The following ZFP64 variants were observed in gnomAD, a reference collection of about 807,000 sequenced individuals.
ZFP64 encodes the protein zinc finger protein 64.
Under a neutral mutation model 51.6 loss-of-function variants are expected in ZFP64, and 14 were observed. That is an observed-to-expected ratio of 0.27 (90% CI 0.18 to 0.42). ZFP64 has a LOEUF of 0.42. Among genes scored for constraint, ZFP64 ranks in the 10% least tolerant of loss-of-function variants. The pLI is 1.00. For synonymous variants in ZFP64, 375 were observed against 361.4 expected (o/e 1.04, Z -0.43); for missense variants, 754 against 906.8 (o/e 0.83, Z 2.16).
At position 52,088,892 on chromosome 20, in the gene ZFP64, C is replaced by T. The variant is rs142215908; in HGVS notation, c.977-249G>A. On this transcript the variant is annotated intron_variant, in intron 7 of 8. Transcript: ENST00000361387. ...GATGGAGAAAATTACAGGCCAAACC[C>T]TGTTTGGGAAAAATGGCAGTGGTTA... 1,095 of 653,620 alleles carry T rather than the reference C, an allele frequency of 1.7e-3. 10 individuals carry two copies. In the African/African-American group the frequency reaches 0.018, roughly 11 times the overall value. 40.5% of individuals were successfully genotyped at this position (653,620 alleles called of 1,614,324 possible).
At chr20:52,098,870 T>C (rs578050940) in intron 5 of ZFP64, among the ~76,000 whole-genome samples, 26 of 151,708 alleles carry the variant, frequency 1.7e-4, no homozygotes, top group South Asian at 4.2e-4. Flanking sequence ...GGCATGGTGG[T>C]ATGTGCCTGT....
intron 2 of ZFP64, 116 bp downstream of exon 2, chr20:52,186,716 G>C (rs1022293272): frequency 1.9e-5 from 26 of 1,383,942 alleles, no homozygotes; most frequent in East Asian, 2.4e-5. Flanking sequence ...TAAAAATAAT[G>C]AATCAGCAAC....
At chr20:52,181,638 G>C (rs936977763) in intron 2 of ZFP64, among the ~76,000 whole-genome samples, 2 of 152,292 alleles carry the variant, frequency 1.3e-5, no homozygotes, top group South Asian at 4.1e-4. Context: ...TCCACCATTT[G>C]GGGGGTTGGA....
At chr20:52,101,940 CAAAAAAA>C (rs1190342919) in intron 5 of ZFP64, among the ~76,000 whole-genome samples, 1 of 77,688 alleles carries the variant, frequency 1.3e-5, no homozygotes, top group Non-Finnish European at 2.6e-5. Context: ...CTAAAAATAC[CAAAAAAA>C]AAAAAAAAAA....
At chr20:52,123,828 T>C (rs1291760984) in intron 5 of ZFP64, among the ~76,000 whole-genome samples, 1 of 150,622 alleles carries the variant, frequency 6.6e-6, no homozygotes, top group Non-Finnish European at 1.5e-5. Context: ...GTGGTATGTC[T>C]GTTACAGAGA....
In ZFP64 at chr20:52,102,036, T is replaced by C. The variant is rs1369235278; in HGVS notation, c.764-3449A>G. 4.9e-5 allele frequency among the ~76,000 whole-genome samples: 7 copies of C among 143,334 alleles called. No homozygotes were observed. The East Asian group carries it at 1.4e-3, about 30-fold the overall frequency. 94.0% of individuals were successfully genotyped at this position (143,334 alleles called of 152,430 possible). A position where few individuals can be genotyped will look rare whatever the true frequency, so the allele number is the denominator to read the frequency against. The stretch of plus-strand genomic sequence containing the variant: ...CTGAGGCAGGAGAATCGCTTGAACC[T>C]GTGGGGCAGAGGTTGCAGTGAGCCC... On this transcript the variant is annotated intron_variant, in intron 5 of 8. Coordinates refer to the ZFP64 transcript ENST00000361387.
At chr20:52,090,063 G>T (rs970748404) in intron 7 of ZFP64, among the ~76,000 whole-genome samples, 1 of 152,142 alleles carries the variant, frequency 6.6e-6, no homozygotes, top group African/African-American at 2.4e-5. Flanking sequence ...GACGCCAAAA[G>T]GTAAGACACG....
intron 5 of ZFP64, among the ~76,000 whole-genome samples, chr20:52,156,777 A>G (rs940265316): frequency 6.6e-6 from 1 of 152,204 alleles, no homozygotes; most frequent in African/African-American, 2.4e-5. Context: ...AATGCACACT[A>G]CTTAATGGCA....
intron 4 of ZFP64, among the ~76,000 whole-genome samples, chr20:52,162,445 T>A (rs1194391217): frequency 6.6e-6 from 1 of 151,520 alleles, no homozygotes; most frequent in African/African-American, 2.4e-5. Context: ...GCTAACACAG[T>A]GAAATCCTGT....
At chr20:52,175,135 G>C (rs766830298) in intron 2 of ZFP64, among the ~76,000 whole-genome samples, 1 of 151,790 alleles carries the variant, frequency 6.6e-6, no homozygotes, top group Non-Finnish European at 1.5e-5. Flanking sequence ...GTTTTGTTTT[G>C]TTTTTGAGAC....
At chr20:52,084,670 T>C (rs2078844697) in exon 9 of ZFP64, 4 of 1,614,240 alleles carry the variant, frequency 2.5e-6, no homozygotes, top group African/African-American at 1.3e-5. Context: ...TCTGAGTTCT[T>C]GTTCTCACTC....
At chr20:52,113,936 T>C (rs1484966720) in intron 5 of ZFP64, among the ~76,000 whole-genome samples, 1 of 152,052 alleles carries the variant, frequency 6.6e-6, no homozygotes, top group African/African-American at 2.4e-5. Context: ...TAGTGGTGGG[T>C]ACCTGATTTT....
chr20:52,164,568 C>G, intron 4 of ZFP64, 127 bp downstream of exon 4: 1 of 810,396 alleles, frequency 1.2e-6, no homozygotes, highest in African/African-American at 1.7e-5. Context: ...TTTTTAAAAT[C>G]TGGACTTGTA....
At chr20:52,175,864 G>GGCCCCC in intron 2 of ZFP64, 5 of 256,926 alleles carry the variant, frequency 1.9e-5, no homozygotes, top group Non-Finnish European at 2.6e-5. Flanking sequence ...CCCCGCTGCC[G>GGCCCCC]CCCCCGCCCC....
intron 5 of ZFP64, among the ~76,000 whole-genome samples, chr20:52,109,361 A>G (rs182674567): frequency 1.1e-3 from 169 of 152,114 alleles, no homozygotes; most frequent in Non-Finnish European, 1.7e-3. Flanking sequence ...ACGGGGTTTC[A>G]CCATATTAGC....
intron 5 of ZFP64, among the ~76,000 whole-genome samples, chr20:52,145,586 C>A (rs1980484310): frequency 6.6e-6 from 1 of 152,174 alleles, no homozygotes; most frequent in Non-Finnish European, 1.5e-5. Flanking sequence ...CTGCAGTGAG[C>A]TGTGATTGTG....
At chr20:52,084,640 C>T (rs759226203) in exon 9 of ZFP64, 1 of 1,614,180 alleles carries the variant, frequency 6.2e-7, no homozygotes, top group Non-Finnish European at 8.5e-7. Flanking sequence ...GCACCGCTTT[C>T]CGGTGGGAAG....
chr20:52,114,961 G>A (rs1035011080), intron 5 of ZFP64, among the ~76,000 whole-genome samples: 50 of 152,104 alleles, frequency 3.3e-4, no homozygotes, highest in Non-Finnish European at 6.2e-4. Flanking sequence ...ACTTTGGGAG[G>A]CCGAGGCAGG....
chr20:52,187,467 C>G (rs896476027), intron 1 of ZFP64, among the ~76,000 whole-genome samples: 5 of 151,704 alleles, frequency 3.3e-5, no homozygotes, highest in African/African-American at 1.2e-4. Flanking sequence ...ACTAAAAATA[C>G]AAAAATTAGC....
Sources: allele counts gnomAD v4.1 joint callset (sites outside exome capture counted in the v4.1 genomes callset), GRCh38; gene constraint gnomAD v4.1.1; transcripts MANE v1.5; gene names NCBI Gene and HGNC (gene_info 2026-07-23, HGNC 2026-07-21).